The following MORF4L1 variants were observed in gnomAD, a reference collection of about 807,000 sequenced individuals.
The protein encoded by MORF4L1 is mortality factor 4 like 1.
A neutral mutation model predicts 52.9 loss-of-function variants in MORF4L1; 4 were observed. That is an observed-to-expected ratio of 0.08 (90% confidence interval 0.04 to 0.17). MORF4L1 has a LOEUF of 0.17. Among genes scored for constraint, MORF4L1 ranks in the 10% least tolerant of loss-of-function variants. The probability of loss-of-function intolerance (pLI) is 1.00; values close to 1 mark genes in which losing one functional copy is unlikely to be tolerated. For missense variants in MORF4L1, 214 were observed against 390.4 expected, an observed-to-expected ratio of 0.55 and a Z score of 3.81; for synonymous variants, 123 against 134.8, an observed-to-expected ratio of 0.91 and a Z score of 0.61.
intron 4 of MORF4L1, 121 bp from the exon 5 acceptor site, chr15:78,887,148 C>A (rs530813245): frequency 9.2e-6 from 7 of 764,042 alleles, no homozygotes; most frequent in African/African-American, 8.9e-5. Context: ...ATATCTCTGT[C>A]CAACTTGTTA....
In MORF4L1 at chr15:78,891,083, G is replaced by C. The variant is rs1567314805; in HGVS notation, c.349+69G>C. On this transcript the variant is annotated intron_variant, in intron 6 of 11. Coordinates refer to ENST00000426013, the MANE Select transcript of MORF4L1 (RefSeq NM_006791.4). The stretch of plus-strand genomic sequence containing the variant: ...TGACATTGACGTTTTTATTTTGAAA[G>C]CTATGAAATTTTGGAGTAAGCTTAT... 2.8e-6 allele frequency: 4 copies of C among 1,429,512 alleles called. No homozygotes were observed. The South Asian group carries it at 3.7e-5, about 13-fold the overall frequency. The allele number at this position is 1,429,512 out of a possible 1,614,324, so 88.6% of individuals were successfully genotyped here. A position where few individuals can be genotyped will look rare whatever the true frequency, so the allele number is the denominator to read the frequency against.
At chr15:78,878,754 A>T (rs557436932) in intron 2 of MORF4L1, among the ~76,000 whole-genome samples, 1 of 152,342 alleles carries the variant, frequency 6.6e-6, no homozygotes, top group East Asian at 1.9e-4. Flanking sequence ...ATAAAAACTG[A>T]TTTTACATTT....
At chr15:78,873,466 C>T (rs1282695415) in intron 1 of MORF4L1, among the ~76,000 whole-genome samples, 2 of 152,096 alleles carry the variant, frequency 1.3e-5, no homozygotes, top group Non-Finnish European at 2.9e-5. Flanking sequence ...GCGCGCCCGG[C>T]CGCTTGGGCA....
Position 78,887,450 on chromosome 15 carries a change from G to T in MORF4L1, c.323+101G>T, listed in dbSNP as rs767886035. On this transcript the variant is annotated intron_variant, in intron 5 of 11. Coordinates refer to ENST00000426013, the MANE Select transcript of MORF4L1 (RefSeq NM_006791.4). ...GTTGAAGTGGAAACTTTGGAACATT[G>T]TTGGAACCAGTAAGAATCCCATTCC... 26 of 956,030 alleles carry T rather than the reference G, an allele frequency of 2.7e-5. 1 individual carries two copies. The highest frequency in any genetic ancestry group is 3.7e-5 in the Non-Finnish European group (24 of 647,942). 59.2% of individuals were successfully genotyped at this position (956,030 alleles called of 1,614,324 possible).
chr15:78,880,466 T>G, intron 2 of MORF4L1, 46 bp from the exon 3 acceptor site: 4 of 1,433,140 alleles, frequency 2.8e-6, no homozygotes, highest in Non-Finnish European at 3.9e-6. Context: ...AGGTAGTGTC[T>G]TTAAAAAATT....
At chr15:78,884,571 A>T (rs2056661481) in intron 3 of MORF4L1, among the ~76,000 whole-genome samples, 1 of 150,130 alleles carries the variant, frequency 6.7e-6, no homozygotes, top group Non-Finnish European at 1.5e-5. Flanking sequence ...CCCAGGAGGC[A>T]GAGGTTGTGG....
Position 78,896,972 on chromosome 15 carries a change from T to A in MORF4L1, c.888-11T>A. 6.2e-7 allele frequency: 1 copy of A among 1,611,226 alleles called. No individual in the cohort carries two copies. The highest frequency in any genetic ancestry group is 1.1e-5 in the South Asian group (1 of 90,838). On this transcript the variant is annotated splice_polypyrimidine_tract_variant and intron_variant, in intron 11 of 11. Transcript: ENST00000426013. ...CTTTAAAAATTTTTGTAATGAATAT[T>A]TTATTTTTAGGTACCTGGCAAAGAA...
chr15:78,890,962 A>AT, intron 5 of MORF4L1, 27 bp from the exon 6 acceptor site: 1 of 1,433,524 alleles, frequency 7.0e-7, no homozygotes, highest in African/African-American at 1.4e-5. Flanking sequence ...GGAAATAATT[A>AT]TTTTTCTTTT....
chr15:78,879,839 C>G (rs1442252135), intron 2 of MORF4L1, among the ~76,000 whole-genome samples: 1 of 151,764 alleles, frequency 6.6e-6, no homozygotes, highest in South Asian at 2.1e-4. Context: ...ATTGTTGTAT[C>G]AACGTTTGGC....
intron 5 of MORF4L1, 191 bp downstream of exon 5, chr15:78,887,540 C>T (rs766500538): frequency 4.1e-5 from 19 of 462,052 alleles, no homozygotes; most frequent in Middle Eastern, 6.5e-4. Flanking sequence ...AGCAGGTTCC[C>T]CCTCCCTTTA....
chr15:78,888,184 G>A (rs1202728031), intron 5 of MORF4L1, among the ~76,000 whole-genome samples: 1 of 152,186 alleles, frequency 6.6e-6, no homozygotes, highest in Non-Finnish European at 1.5e-5. Context: ...TATGTAGGAC[G>A]GTGCGGTGGC....
chr15:78,893,925 A>G, intron 9 of MORF4L1, 133 bp from the exon 10 acceptor site: 1 of 823,612 alleles, frequency 1.2e-6, no homozygotes, highest in Non-Finnish European at 1.9e-6. Context: ...CTGCTTTCAT[A>G]TGCCCTTTAA....
At chr15:78,879,235 G>A (rs150581598) in intron 2 of MORF4L1, among the ~76,000 whole-genome samples, 25 of 148,980 alleles carry the variant, frequency 1.7e-4, no homozygotes, top group African/African-American at 5.6e-4. Flanking sequence ...GCCCCGCCCC[G>A]CCCCCCAAGA....
chr15:78,896,466 A>G (rs1160951672), intron 11 of MORF4L1, among the ~76,000 whole-genome samples: 1 of 151,782 alleles, frequency 6.6e-6, no homozygotes, highest in Non-Finnish European at 1.5e-5. Context: ...ATGCGCTACC[A>G]TGTCCAGCTA....
chr15:78,889,007 T>G (rs1488285163), intron 5 of MORF4L1, among the ~76,000 whole-genome samples: 1 of 152,236 alleles, frequency 6.6e-6, no homozygotes, highest in African/African-American at 2.4e-5. Context: ...AAAGTAATAG[T>G]TCATAACTAA....
chr15:78,885,070 C>T (rs1596245622), intron 3 of MORF4L1: 2 of 1,610,902 alleles, frequency 1.2e-6, no homozygotes, highest in African/African-American at 1.3e-5. Context: ...ACACCACCCC[C>T]TCCTGACCTC....
chr15:78,877,191 G>A (rs12592618), intron 1 of MORF4L1, among the ~76,000 whole-genome samples: 107,224 of 144,062 alleles, frequency 0.74, 41,896 homozygotes, highest in South Asian at 0.88. Context: ...CAAGATCTTA[G>A]CTCACTGCAA....
At chr15:78,879,191 C>A (rs530386153) in intron 2 of MORF4L1, among the ~76,000 whole-genome samples, 1 of 152,228 alleles carries the variant, frequency 6.6e-6, no homozygotes, top group African/African-American at 2.4e-5. Context: ...GGCAACCAAG[C>A]GAGACTCTCT....
intron 3 of MORF4L1, among the ~76,000 whole-genome samples, chr15:78,884,689 AT>A: frequency 6.6e-6 from 1 of 150,746 alleles, no homozygotes. Flanking sequence ...ACACACACAA[AT>A]ATCTCAAAAA....
Sources: gnomAD v4.1 joint callset for allele counts (sites outside exome capture counted in the v4.1 genomes callset) on GRCh38, gnomAD v4.1.1 for gene constraint, MANE v1.5 for transcripts, NCBI Gene and HGNC (gene_info 2026-07-23, HGNC 2026-07-21) for gene names.